Variants in SNTB1 observed in about 807,000 individuals in gnomAD.
SNTB1 encodes the protein beta-1-syntrophin.
In SNTB1, 36 loss-of-function variants were observed where a neutral mutation model predicts 48.9. The observed-to-expected ratio is 0.74, with a 90% confidence interval of 0.56 to 0.97. The LOEUF is 0.97. SNTB1 is among the 50% of genes least tolerant of loss of function. The pLI, the probability that SNTB1 is intolerant of heterozygous loss-of-function variation, is 0.00. For synonymous variants in SNTB1, 299 were observed against 294.6 expected, an observed-to-expected ratio of 1.01 and a Z score of -0.15; for missense variants, 786 against 703.4, an observed-to-expected ratio of 1.12 and a Z score of -1.33.
At chr8:120,784,714 C>G (rs1819893363) in intron 1 of SNTB1, among the ~76,000 whole-genome samples, 1 of 152,214 alleles carries the variant, frequency 6.6e-6, no homozygotes, top group Non-Finnish European at 1.5e-5. Context: ...TGTAAGCATG[C>G]CTCTTCCACT....
At chr8:120,734,210 G>A (rs1389756439) in intron 1 of SNTB1, among the ~76,000 whole-genome samples, 2 of 152,146 alleles carry the variant, frequency 1.3e-5, no homozygotes, top group Non-Finnish European at 2.9e-5. Context: ...TTGGGAGGCC[G>A]AGGTGGGCAG....
At chr8:120,623,085 C>T (rs1188634348) in intron 3 of SNTB1, among the ~76,000 whole-genome samples, 1 of 152,216 alleles carries the variant, frequency 6.6e-6, no homozygotes, top group African/African-American at 2.4e-5. Flanking sequence ...TCAGCTAATA[C>T]TACATTTCTG....
intron 2 of SNTB1, among the ~76,000 whole-genome samples, chr8:120,646,435 G>T (rs28840999): frequency 0.39 from 57,376 of 146,716 alleles, 12,332 homozygotes; most frequent in Non-Finnish European, 0.48. Flanking sequence ...TGTGGTTTTT[G>T]TCTTTGGCTC....
At chr8:120,769,904 T>C (rs1196276211) in intron 1 of SNTB1, among the ~76,000 whole-genome samples, 3 of 152,166 alleles carry the variant, frequency 2.0e-5, no homozygotes, top group Non-Finnish European at 4.4e-5. Flanking sequence ...GCCCAATACA[T>C]AATATTATTA....
At chr8:120,644,292 C>T (rs1249763090) in intron 2 of SNTB1, among the ~76,000 whole-genome samples, 1 of 147,976 alleles carries the variant, frequency 6.8e-6, no homozygotes, top group African/African-American at 2.5e-5. Flanking sequence ...AGGTATATCT[C>T]CCGAAGCTAT....
intron 3 of SNTB1, among the ~76,000 whole-genome samples, chr8:120,587,690 A>G (rs1168684731): frequency 1.3e-5 from 2 of 151,854 alleles, no homozygotes; most frequent in African/African-American, 4.9e-5. Context: ...CCTGAGATCT[A>G]TGTGCTCTCT....
intron 1 of SNTB1, among the ~76,000 whole-genome samples, chr8:120,768,458 A>T (rs1819564622): frequency 6.6e-6 from 1 of 152,208 alleles, no homozygotes; most frequent in Non-Finnish European, 1.5e-5. Flanking sequence ...CCTCTTCCAT[A>T]TTCCAATGAT....
At chr8:120,623,300 G>A (rs1261232838) in intron 3 of SNTB1, among the ~76,000 whole-genome samples, 1 of 152,174 alleles carries the variant, frequency 6.6e-6, no homozygotes, top group African/African-American at 2.4e-5. Context: ...AGCCTCACAT[G>A]TTTCCAAAAG....
intron 2 of SNTB1, among the ~76,000 whole-genome samples, chr8:120,680,336 C>A (rs530151257): frequency 1.3e-5 from 2 of 152,270 alleles, no homozygotes; most frequent in South Asian, 2.1e-4. Flanking sequence ...AGCAAAGAAC[C>A]AAGACGACTG....
intron 2 of SNTB1, among the ~76,000 whole-genome samples, chr8:120,684,555 T>C (rs1817994708): frequency 6.6e-6 from 1 of 151,938 alleles, no homozygotes; most frequent in African/African-American, 2.4e-5. Context: ...CAAAATGCAA[T>C]GGTGGGACAG....
intron 1 of SNTB1, among the ~76,000 whole-genome samples, chr8:120,712,656 C>T (rs1303144839): frequency 6.6e-6 from 1 of 152,082 alleles, no homozygotes; most frequent in Non-Finnish European, 1.5e-5. Flanking sequence ...ACATGGTAAA[C>T]TTATTAATAC....
chr8:120,543,696 A>G (rs1563813113), intron 5 of SNTB1, among the ~76,000 whole-genome samples: 1 of 152,116 alleles, frequency 6.6e-6, no homozygotes, highest in Non-Finnish European at 1.5e-5. Context: ...AGTTTCCGGG[A>G]AGAAATAGAG....
At chr8:120,708,708 G>A (rs1361845488) in intron 1 of SNTB1, among the ~76,000 whole-genome samples, 3 of 152,074 alleles carry the variant, frequency 2.0e-5, no homozygotes, top group Non-Finnish European at 4.4e-5. Flanking sequence ...AAGGAGAAAA[G>A]TATATGACTA....
At chr8:120,679,328 C>A (rs758059140) in intron 2 of SNTB1, among the ~76,000 whole-genome samples, 1 of 152,134 alleles carries the variant, frequency 6.6e-6, no homozygotes, top group Non-Finnish European at 1.5e-5. Flanking sequence ...CAGTAAGGAA[C>A]ACAAAACTCT....
chr8:120,742,451 GTGATTTATTTC>G (rs1819055984), intron 1 of SNTB1, among the ~76,000 whole-genome samples: 3 of 152,152 alleles, frequency 2.0e-5, no homozygotes, highest in South Asian at 2.1e-4. Context: ...TTTGTCTGAG[GTGATTTATTTC>G]TGATTTATTT....
chr8:120,769,724 C>T (rs908054936), intron 1 of SNTB1: 6 of 152,188 alleles, frequency 3.9e-5, no homozygotes, highest in Non-Finnish European at 8.8e-5. Flanking sequence ...CAACGACTGA[C>T]AATTTAATTG....
At chr8:120,623,369 T>C (rs1816823253) in intron 3 of SNTB1, among the ~76,000 whole-genome samples, 1 of 152,236 alleles carries the variant, frequency 6.6e-6, no homozygotes, top group Non-Finnish European at 1.5e-5. Context: ...AGTTCTCTTA[T>C]CAGCTGGACC....
intron 2 of SNTB1, among the ~76,000 whole-genome samples, chr8:120,679,362 C>G (rs1225599604): frequency 5.9e-5 from 9 of 152,188 alleles, no homozygotes; most frequent in Non-Finnish European, 1.5e-5. Context: ...TACTCTAAGT[C>G]TCAATTTAGG....
At chr8:120,761,026 A>G (rs1819410375) in intron 1 of SNTB1, among the ~76,000 whole-genome samples, 1 of 152,222 alleles carries the variant, frequency 6.6e-6, no homozygotes, top group Non-Finnish European at 1.5e-5. Flanking sequence ...TCCGACAGAA[A>G]AATGAGCAAA....
Sources: gnomAD v4.1 joint callset for allele counts (sites outside exome capture counted in the v4.1 genomes callset) on GRCh38, gnomAD v4.1.1 for gene constraint, MANE v1.5 for transcripts, NCBI Gene and HGNC (gene_info 2026-07-23, HGNC 2026-07-21) for gene names.